Variants in PRKN observed in about 807,000 individuals in gnomAD.
The protein encoded by PRKN is parkin RBR E3 ubiquitin protein ligase.
A neutral mutation model predicts 59.5 loss-of-function variants in PRKN; 56 were observed. The ratio of observed to expected loss-of-function variants is 0.94; its 90% CI spans 0.76 to 1.18. The LOEUF (loss-of-function observed/expected upper bound fraction) is 1.18, where lower values mean the gene tolerates loss of function less well. PRKN is among the 50% of genes most tolerant of loss of function. PRKN has a pLI of 0.00. For missense variants in PRKN, 657 were observed against 596.4 expected, an observed-to-expected ratio of 1.10 and a Z score of -1.06; for synonymous variants, 250 against 222.1, an observed-to-expected ratio of 1.13 and a Z score of -1.12.
At chr6:161,453,458 T>A (rs1789832809) in intron 9 of PRKN, among the ~76,000 whole-genome samples, 1 of 152,180 alleles carries the variant, frequency 6.6e-6, no homozygotes, top group Non-Finnish European at 1.5e-5. Flanking sequence ...GTGGTGAAGG[T>A]ATGTTGTAGA....
At chr6:162,084,728 T>A (rs578014277) in intron 4 of PRKN, among the ~76,000 whole-genome samples, 1 of 152,090 alleles carries the variant, frequency 6.6e-6, no homozygotes, top group African/African-American at 2.4e-5. Context: ...TTACTAAGAG[T>A]GTACTGTAGT....
Position 161,532,141 on chromosome 6 carries a change from A to ACTCT in PRKN, c.1083+16709_1083+16712dup, listed in dbSNP as rs773618878. On this transcript the variant is annotated intron_variant, in intron 9 of 11. Coordinates refer to ENST00000366898, the MANE Select transcript of PRKN (RefSeq NM_004562.3). Reference sequence around the variant, plus strand: ...TCTATCCATCCTATCTCTGTCTTGCACTCTCTCTCTCTCTCTCTCTCTCTC... The same window carrying ACTCT: ...TCTATCCATCCTATCTCTGTCTTGCACTCTCTCTCTCTCTCTCTCTCTCTCTCTC... Among the ~76,000 whole-genome samples the ACTCT allele has an allele frequency of 6.1e-3, 820 of 134,354 alleles. 6 individuals carry two copies. The highest frequency in any genetic ancestry group is 8.7e-3 in the South Asian group (35 of 4,044). 88.1% of individuals were successfully genotyped at this position (134,354 alleles called of 152,430 possible). A position where few individuals can be genotyped will look rare whatever the true frequency, so the allele number is the denominator to read the frequency against.
chr6:161,900,800 T>C (rs1409300787), intron 6 of PRKN, among the ~76,000 whole-genome samples: 2 of 135,416 alleles, frequency 1.5e-5, no homozygotes, highest in Non-Finnish European at 3.1e-5. Context: ...TATAAATATA[T>C]AATAAAATAA....
chr6:161,973,122 A>T (rs1780886935), intron 6 of PRKN, among the ~76,000 whole-genome samples, 180 bp downstream of exon 6: 1 of 152,346 alleles, frequency 6.6e-6, no homozygotes, highest in South Asian at 2.1e-4. Flanking sequence ...TCACATTAAA[A>T]TATACCCAAA....
chr6:161,801,421 G>A (rs1791072355), intron 6 of PRKN, among the ~76,000 whole-genome samples: 1 of 152,202 alleles, frequency 6.6e-6, no homozygotes, highest in Admixed American at 6.5e-5. Flanking sequence ...ACCCATCCAT[G>A]GAGAGATGGC....
At chr6:162,144,545 G>T (rs1318615277) in intron 4 of PRKN, among the ~76,000 whole-genome samples, 2 of 152,142 alleles carry the variant, frequency 1.3e-5, no homozygotes, top group Non-Finnish European at 2.9e-5. Flanking sequence ...CTGGGAGCTG[G>T]CTTCCCTACA....
intron 2 of PRKN, among the ~76,000 whole-genome samples, chr6:162,333,273 T>A (rs986471824): frequency 3.3e-5 from 5 of 150,950 alleles, no homozygotes; most frequent in African/African-American, 1.2e-4. Flanking sequence ...TCCCTCAGGC[T>A]AGAGTGCACA....
chr6:162,594,270 A>G (rs1781416204), intron 1 of PRKN, among the ~76,000 whole-genome samples: 1 of 152,238 alleles, frequency 6.6e-6, no homozygotes, highest in Admixed American at 6.5e-5. Flanking sequence ...TACAATTAAC[A>G]GTATTTTATC....
At position 161,395,443 on chromosome 6, in the gene PRKN, C is replaced by T. The variant is rs1786712418; in HGVS notation, c.1084-8566G>A. Reference sequence around the variant, plus strand: ...ACAAAGCTGCAGGGAATGTCCCGCTCTTCAGGTCATTTCACACATGTGAAA... The same window carrying T: ...ACAAAGCTGCAGGGAATGTCCCGCTTTTCAGGTCATTTCACACATGTGAAA... On this transcript the variant is annotated intron_variant, in intron 9 of 11. Transcript: ENST00000366898. This position sits in a 1 kb window ranked among gnomAD's most constrained non-coding sequence, Gnocchi z 5.0. 6.6e-6 allele frequency among the ~76,000 whole-genome samples: 1 copy of T among 152,164 alleles called. No homozygotes were observed. Among genetic ancestry groups the T allele is most frequent in the Non-Finnish European group, 1.5e-5 (1 of 68,036 alleles).
At chr6:162,671,244 T>TA (rs1306727325) in intron 1 of PRKN, among the ~76,000 whole-genome samples, 2 of 152,168 alleles carry the variant, frequency 1.3e-5, no homozygotes, top group African/African-American at 4.8e-5. Flanking sequence ...CTCATGCCTG[T>TA]AATCCCAGCA....
chr6:161,408,934 G>T (rs994409867), intron 9 of PRKN, among the ~76,000 whole-genome samples: 1 of 151,988 alleles, frequency 6.6e-6, no homozygotes. Flanking sequence ...TATTAAGGAG[G>T]CCACATTTTA....
chr6:162,058,974 A>G (rs549206718), intron 4 of PRKN, among the ~76,000 whole-genome samples: 118 of 151,972 alleles, frequency 7.8e-4, no homozygotes, highest in African/African-American at 2.7e-3. Context: ...AAAAAAAAAA[A>G]AAAGAAGTAG....
At chr6:162,110,844 G>A (rs80106087) in intron 4 of PRKN, among the ~76,000 whole-genome samples, 4,048 of 152,204 alleles carry the variant, frequency 0.027, 186 homozygotes, top group African/African-American at 0.093. Flanking sequence ...TCTAGGAAAC[G>A]GTCTTGCCAC....
chr6:161,391,706 A>G lies in PRKN; in HGVS notation c.1084-4829T>C, dbSNP rs1786510645. ...ATCTATAATCAGTTTATTTTAAGTA[A>G]GAGAGATTATCCTAGATAACCTGAA... is the stretch of plus-strand genomic sequence containing the variant. On this transcript the variant is annotated intron_variant, in intron 9 of 11. Transcript: ENST00000366898. This position sits in a 1 kb window ranked among gnomAD's most constrained non-coding sequence, Gnocchi z 4.9. 6.6e-6 allele frequency among the ~76,000 whole-genome samples: 1 copy of G among 152,096 alleles called. No individual in the cohort carries two copies. Among genetic ancestry groups the G allele is most frequent in the Non-Finnish European group, 1.5e-5 (1 of 68,042 alleles).
At position 161,407,227 on chromosome 6, in the gene PRKN, T is replaced by G. The variant is rs908940678; in HGVS notation, c.1084-20350A>C. Among the ~76,000 whole-genome samples, 1 of 152,162 alleles carries G rather than the reference T, an allele frequency of 6.6e-6. No individual in the cohort carries two copies. The highest frequency in any genetic ancestry group is 1.5e-5 in the Non-Finnish European group (1 of 68,038). On this transcript the variant is annotated intron_variant, in intron 9 of 11. Coordinates refer to ENST00000366898, the MANE Select transcript of PRKN (RefSeq NM_004562.3). This position sits in a 1 kb window ranked among gnomAD's most constrained non-coding sequence, Gnocchi z 4.9. ...CCAAAATTATAACTGCTAAGAGAGA[T>G]GTTAATGGTAATTAATCATGAGTGA...
intron 2 of PRKN, among the ~76,000 whole-genome samples, chr6:162,309,625 A>C (rs1782389849): frequency 6.9e-6 from 1 of 144,506 alleles, no homozygotes; most frequent in African/African-American, 2.9e-5. Context: ...TTCTACTTAC[A>C]CTGTGCGTAA....
chr6:162,094,762 C>T (rs539134189), intron 4 of PRKN, among the ~76,000 whole-genome samples: 2 of 152,084 alleles, frequency 1.3e-5, no homozygotes, highest in African/African-American at 2.4e-5. Flanking sequence ...TCCTGTCCCA[C>T]GACTTAGTTT....
rs1411241143 is a variant in PRKN at position 161,467,527 on chromosome 6, C to T, written c.1084-80650G>A. On this transcript the variant is annotated intron_variant, in intron 9 of 11. Transcript: ENST00000366898. The surrounding 1 kb of genome is among the most constrained non-coding windows in gnomAD (Gnocchi z 4.3). ...ACCTAGATACAATTTTAATACAATGCTTTACTGTTGTATAACAGAGAAACA... is the reference window on the plus strand; with the variant it reads ...ACCTAGATACAATTTTAATACAATGTTTTACTGTTGTATAACAGAGAAACA... 6.6e-6 allele frequency among the ~76,000 whole-genome samples: 1 copy of T among 152,142 alleles called. No individual in the cohort carries two copies. Among genetic ancestry groups the T allele is most frequent in the African/African-American group, 2.4e-5 (1 of 41,420 alleles).
intron 7 of PRKN, among the ~76,000 whole-genome samples, chr6:161,666,334 C>T (rs1784725025): frequency 6.6e-6 from 1 of 152,158 alleles, no homozygotes. Context: ...TGAACCTTAT[C>T]GTGAACTACA....
Sources: allele counts gnomAD v4.1 joint callset (sites outside exome capture counted in the v4.1 genomes callset), GRCh38; gene constraint gnomAD v4.1.1; non-coding constraint Gnocchi (gnomAD v3.1); transcripts MANE v1.5; gene names NCBI Gene and HGNC (gene_info 2026-07-23, HGNC 2026-07-21).